Variants in SCNN1D observed in about 807,000 individuals in gnomAD.
SCNN1D encodes sodium channel epithelial 1 subunit delta, also known as epithelial sodium channel subunit delta.
Under a neutral mutation model 87.8 loss-of-function variants are expected in SCNN1D, and 104 were observed. That is an observed-to-expected ratio of 1.18 (90% CI 1.01 to 1.39). SCNN1D has a LOEUF of 1.39. Ranked by LOEUF, SCNN1D falls within the 40% of genes most tolerant of loss-of-function variation. The probability of loss-of-function intolerance (pLI) is 0.00; values close to 1 mark genes in which losing one functional copy is unlikely to be tolerated. For missense variants in SCNN1D, 1,324 were observed against 1,093.9 expected (o/e 1.21, Z -2.97); for synonymous variants, 628 against 481.2 (o/e 1.31, Z -3.99).
intron 8 of SCNN1D, 62 bp downstream of exon 8, chr1:1,287,037 C>T (rs1243946953): frequency 4.4e-6 from 7 of 1,579,594 alleles, no homozygotes; most frequent in African/African-American, 1.3e-5. Context: ...CGGCCCTGCG[C>T]TGCTGGTACC....
chr1:1,290,664 G>C lies in SCNN1D; in HGVS notation c.1887G>C (p.Gly629=), dbSNP rs1640778228. 1 of 1,612,552 alleles carries C rather than the reference G, an allele frequency of 6.2e-7. No individual in the cohort carries two copies. ...CRESAFKLST[G]TSRWPSAKSA... ...AGTCTGCATTCAAGCTCTCCACTGG[G>C]ACCTCCAGGTGGCCTTCCGCCAAGT... Residue 629 remains glycine, a synonymous_variant, in exon 15 of 18, where the codon GGG becomes GGC. Transcript: ENST00000379116.
intron 4 of SCNN1D, among the ~76,000 whole-genome samples, chr1:1,282,954 G>A (rs146421901): frequency 0.038 from 5,807 of 152,060 alleles, 162 homozygotes; most frequent in African/African-American, 0.077. Flanking sequence ...GGGTTTCACC[G>A]TGTTAGGCAG....
chr1:1,283,528 A>G lies in SCNN1D; in HGVS notation c.352-450A>G, dbSNP rs886471654. ...AGCCTGAGCAGCATGGAGAAACCCCATCTCTACTAAAAATACAAAATTAGC... is the reference window on the plus strand; with the variant it reads ...AGCCTGAGCAGCATGGAGAAACCCCGTCTCTACTAAAAATACAAAATTAGC... On this transcript the variant is annotated intron_variant, in intron 4 of 17. Transcript: ENST00000379116. Among the ~76,000 whole-genome samples, 3 of 152,012 alleles carry G rather than the reference A, an allele frequency of 2.0e-5. No homozygotes were observed. The South Asian group carries it at 6.2e-4, about 32-fold the overall frequency.
Position 1,287,934 on chromosome 1 carries a change from C to G in SCNN1D, c.1564-5C>G, listed in dbSNP as rs1264729203. 4.5e-6 allele frequency: 7 copies of G among 1,540,402 alleles called. No individual in the cohort carries two copies. In the African/African-American group the frequency reaches 8.2e-5, roughly 18 times the overall value. ...GGCCCATGGAACTGAAGCGTCCCCTCCCAGGACGAGGTGCACCGGCTCGGG... is the reference window on the plus strand; with the variant it reads ...GGCCCATGGAACTGAAGCGTCCCCTGCCAGGACGAGGTGCACCGGCTCGGG... On this transcript the variant is annotated splice_polypyrimidine_tract_variant and splice_region_variant and intron_variant, in intron 11 of 17. Coordinates refer to ENST00000379116, the MANE Select transcript of SCNN1D (RefSeq NM_001130413.4).
At chr1:1,285,752 A>T (rs1449334221) in intron 6 of SCNN1D, 88 bp downstream of exon 6, 17 of 1,255,934 alleles carry the variant, frequency 1.4e-5, no homozygotes, top group Non-Finnish European at 1.6e-5. Flanking sequence ...GAGACGTGTC[A>T]GGGACGGGTG....
intron 12 of SCNN1D, 23 bp from the exon 13 acceptor site, chr1:1,290,248 C>G (rs1640753304): frequency 2.0e-6 from 3 of 1,521,472 alleles, no homozygotes; most frequent in African/African-American, 1.4e-5. Context: ...TCCCATGTCC[C>G]TGCTCATCCC....
rs5772040 is a variant in SCNN1D, at chr1:1,290,430, C to CG, written c.1781-41dup. 509 of 1,610,658 alleles carry CG rather than the reference C, an allele frequency of 3.2e-4. 4 individuals are homozygous for CG. In the African/African-American group the frequency reaches 5.0e-3, roughly 16 times the overall value. On this transcript the variant is annotated intron_variant, in intron 13 of 17. Transcript: ENST00000379116. ...GCCTCCCACTCTGTCAGCCATTAGCCGGGGGGTCACAGCGAGCCTCACACA... is the reference window on the plus strand; with the variant it reads ...GCCTCCCACTCTGTCAGCCATTAGCCGGGGGGGTCACAGCGAGCCTCACACA...
At chr1:1,290,149 C>CCCGA (rs1640744897) in intron 12 of SCNN1D, 122 bp from the exon 13 acceptor site, 1 of 562,762 alleles carries the variant, frequency 1.8e-6, no homozygotes. Flanking sequence ...TGCTCCGTCC[C>CCCGA]GTGTCTCTGC....
rs967685711 is a variant in SCNN1D, at chr1:1,280,468, T to TA, written c.-182dup. On this transcript the variant is annotated 5_prime_UTR_variant, in exon 1 of 18. Coordinates refer to ENST00000379116, the MANE Select transcript of SCNN1D (RefSeq NM_001130413.4). ...GACAGCGAGACTCCATCTCAATAAA[T>TA]AAAAAAAAAAAAGAGTTGTTATCAG... 25,685 of 379,390 alleles carry TA rather than the reference T, an allele frequency of 0.068. 2 individuals carry two copies. The highest frequency in any genetic ancestry group is 0.083 in the Middle Eastern group (113 of 1,362). 23.5% of individuals were successfully genotyped at this position (379,390 alleles called of 1,614,324 possible).
chr1:1,281,295 G>T lies in SCNN1D; in HGVS notation c.75G>T (p.Arg25Ser). The T allele has an allele frequency of 2.0e-6, 3 of 1,535,794 alleles. No homozygotes were observed. Among genetic ancestry groups the T allele is most frequent in the Middle Eastern group, 1.7e-4 (1 of 5,986 alleles). The change falls in exon 2 of 18, where the codon AGG becomes AGT. Residue 25 changes from arginine (R) to serine (S), a missense_variant and splice_region_variant. Arg to Ser is a moderately radical substitution (Grantham distance 110, BLOSUM62 -1). Coordinates refer to ENST00000379116, the MANE Select transcript of SCNN1D (RefSeq NM_001130413.4). ...YLWPGHLSGPRRLTWSWCSDH... is the reference protein window; with the variant it reads ...YLWPGHLSGPSRLTWSWCSDH... ...GGCCCGGCCACCTCAGCGGCCCAAG[G>T]AGGTGAGCTCACAGCCATGCTCGGT... is the stretch of plus-strand genomic sequence containing the variant.
chr1:1,288,232 C>CCCCG, intron 12 of SCNN1D, among the ~76,000 whole-genome samples, 195 bp downstream of exon 12: 1 of 144,752 alleles, frequency 6.9e-6, no homozygotes, highest in African/African-American at 2.7e-5. Flanking sequence ...CGTGTCTCTG[C>CCCCG]TCCGTCCCGT....
At chr1:1,283,897 C>T (rs959905072) in intron 4 of SCNN1D, 81 bp from the exon 5 acceptor site, 1 of 693,120 alleles carries the variant, frequency 1.4e-6, no homozygotes. Flanking sequence ...CCTTTTGGGT[C>T]CGGGGCAGGT....
chr1:1,282,197 C>A, intron 3 of SCNN1D, 45 bp from the exon 4 acceptor site: 1 of 1,131,052 alleles, frequency 8.8e-7, no homozygotes, highest in Non-Finnish European at 1.3e-6. Context: ...GGTTGAGTAA[C>A]TCGGGAAGGC....
At chr1:1,281,677 C>T in intron 3 of SCNN1D, 67 bp downstream of exon 3, 9 of 1,402,888 alleles carry the variant, frequency 6.4e-6, no homozygotes, top group East Asian at 2.5e-5. Flanking sequence ...CCGGGAGCTG[C>T]GTGATCCAGC....
rs1417110586 is a variant in SCNN1D at position 1,287,593 on chromosome 1, C to G, written c.1396C>G (p.His466Asp). 1 of 1,601,606 alleles carries G rather than the reference C, an allele frequency of 6.2e-7. No homozygotes were observed. The highest frequency in any genetic ancestry group is 2.2e-5 in the East Asian group (1 of 44,656). ...GACAGCTCAGCGCCCCGGCATCACC[C>G]ACGGTGGGTGCCAGCCCCTGGCCGG... ...VWTAQRPGIT[H>D]GVGLVLRVEQ... Residue 466 changes from histidine to aspartate, a missense_variant, in exon 10 of 18, where the codon CAC (histidine) becomes GAC (aspartate). Transcript: ENST00000379116.
At chr1:1,285,406 G>A (rs546092497) in intron 5 of SCNN1D, among the ~76,000 whole-genome samples, 165 bp from the exon 6 acceptor site, 3 of 152,220 alleles carry the variant, frequency 2.0e-5, no homozygotes, top group Non-Finnish European at 2.9e-5. Flanking sequence ...CAGGCCAGAC[G>A]CTTCCTGGAC....
In SCNN1D at chr1:1,291,150, G is replaced by A; in HGVS notation, c.2052+10G>A. 6.2e-7 allele frequency: 1 copy of A among 1,610,742 alleles called. No homozygotes were observed. On this transcript the variant is annotated intron_variant, in intron 17 of 17. Coordinates refer to ENST00000379116, the MANE Select transcript of SCNN1D (RefSeq NM_001130413.4). ...GGCGCCCGTGTACTCGGTGAGCCTT[G>A]GCCCCCTGCCTGGGCTAGAGCGGGG...
intron 3 of SCNN1D, chr1:1,281,839 G>A (rs1640476782): frequency 3.4e-6 from 2 of 591,206 alleles, no homozygotes; most frequent in East Asian, 5.7e-5. Context: ...GCCGGACCTG[G>A]GCTCTTTCTC....
chr1:1,281,741 C>A, intron 3 of SCNN1D, 131 bp downstream of exon 3: 1 of 835,678 alleles, frequency 1.2e-6, no homozygotes, highest in Non-Finnish European at 1.8e-6. Context: ...GGAAGGGGTG[C>A]TCTGCCCCCG....
Sources: allele counts gnomAD v4.1 joint callset (sites outside exome capture counted in the v4.1 genomes callset), GRCh38; gene constraint gnomAD v4.1.1; transcripts MANE v1.5; gene names NCBI Gene and HGNC (gene_info 2026-07-23, HGNC 2026-07-21).